Variants in RARB observed in about 807,000 individuals in gnomAD.
RARB encodes retinoic acid receptor beta, also known as HBV-activated protein.
A neutral mutation model predicts 51.9 loss-of-function variants in RARB; 17 were observed. The ratio of observed to expected loss-of-function variants is 0.33; its 90% CI spans 0.22 to 0.49. The LOEUF (loss-of-function observed/expected upper bound fraction) is 0.49, where lower values mean the gene tolerates loss of function less well. Among genes scored for constraint, RARB ranks in the 20% least tolerant of loss-of-function variants. RARB has a pLI of 0.99. For synonymous variants in RARB, 215 were observed against 195.4 expected, an observed-to-expected ratio of 1.10 and a Z score of -0.84; for missense variants, 369 against 550.8, an observed-to-expected ratio of 0.67 and a Z score of 3.30.
intron 5 of RARB, among the ~76,000 whole-genome samples, chr3:25,342,880 T>C (rs1260217633): frequency 1.3e-5 from 2 of 152,094 alleles, no homozygotes; most frequent in African/African-American, 4.8e-5. Flanking sequence ...GGTTGTAGCC[T>C]TGAAAGATTT....
intron 5 of RARB, among the ~76,000 whole-genome samples, chr3:25,404,356 C>A (rs1707348023): frequency 1.3e-5 from 2 of 152,128 alleles, no homozygotes. Context: ...GTAACTCACT[C>A]CTTGGTAGAA....
At chr3:25,438,791 C>T (rs1336953509) in intron 1 of RARB, among the ~76,000 whole-genome samples, 1 of 152,076 alleles carries the variant, frequency 6.6e-6, no homozygotes, top group Admixed American at 6.5e-5. Context: ...AAAACACCAT[C>T]GAGTGTTTTG....
chr3:25,337,607 T>C (rs1469501619), intron 5 of RARB, among the ~76,000 whole-genome samples: 1 of 152,146 alleles, frequency 6.6e-6, no homozygotes, highest in Non-Finnish European at 1.5e-5. Flanking sequence ...TTCCACCAAA[T>C]CTTTACGTGG....
intron 5 of RARB, among the ~76,000 whole-genome samples, chr3:25,244,502 G>A (rs368071303): frequency 4.6e-5 from 7 of 152,022 alleles, no homozygotes; most frequent in African/African-American, 1.4e-4. Context: ...AGAGATTCTT[G>A]TACATTGTGT....
intron 5 of RARB, among the ~76,000 whole-genome samples, chr3:25,231,077 T>C (rs1239436392): frequency 6.6e-6 from 1 of 152,150 alleles, no homozygotes; most frequent in Non-Finnish European, 1.5e-5. Context: ...TTTTATTGGC[T>C]TGGAGCTCCT....
At chr3:24,890,427 TTA>T (rs1267931084) in intron 2 of RARB, among the ~76,000 whole-genome samples, 2 of 152,216 alleles carry the variant, frequency 1.3e-5, no homozygotes, top group Non-Finnish European at 2.9e-5. Context: ...GAGTTTGGAC[TTA>T]TTTCACGAGC....
intron 2 of RARB, among the ~76,000 whole-genome samples, chr3:24,920,833 A>G (rs1479472276): frequency 6.6e-6 from 1 of 152,182 alleles, no homozygotes; most frequent in Non-Finnish European, 1.5e-5. Context: ...CTAATTGGAT[A>G]CTGCATTTAT....
chr3:24,979,900 A>G (rs1047354308), intron 2 of RARB, among the ~76,000 whole-genome samples: 4 of 152,134 alleles, frequency 2.6e-5, no homozygotes, highest in African/African-American at 7.2e-5. Context: ...ATGTTTTTGC[A>G]GTAGCTGGTA....
intron 2 of RARB, among the ~76,000 whole-genome samples, chr3:25,006,877 T>C (rs892351030): frequency 2.6e-5 from 4 of 152,168 alleles, no homozygotes; most frequent in Non-Finnish European, 4.4e-5. Context: ...TAACAACAAA[T>C]TTTTTATGTC....
At chr3:25,217,158 C>T (rs1363677743) in intron 5 of RARB, among the ~76,000 whole-genome samples, 2 of 152,100 alleles carry the variant, frequency 1.3e-5, no homozygotes, top group Non-Finnish European at 2.9e-5. Flanking sequence ...GAATTTATTT[C>T]TATACAGAGA....
rs78456013 is a variant in RARB at position 25,570,139 on chromosome 3, T to C, written c.609+221T>C. ...ATCAGTGAGTAGGCTGAGTGCCGCC[T>C]CACTGCAGTCATGCACACATGCATT... On this transcript the variant is annotated intron_variant, in intron 4 of 7. Coordinates refer to ENST00000330688, the MANE Select transcript of RARB (RefSeq NM_000965.5). 3.5e-3 allele frequency among the ~76,000 whole-genome samples: 536 copies of C among 152,358 alleles called. 4 individuals are homozygous for C. The highest frequency in any genetic ancestry group is 0.012 in the African/African-American group (516 of 41,586).
At chr3:25,572,813 G>T (rs1486978259) in intron 4 of RARB, among the ~76,000 whole-genome samples, 2 of 152,052 alleles carry the variant, frequency 1.3e-5, no homozygotes, top group Non-Finnish European at 2.9e-5. Context: ...GTCCCCCTCC[G>T]CCTCCTCCAG....
intron 2 of RARB, among the ~76,000 whole-genome samples, chr3:25,474,034 C>G (rs1356179691): frequency 6.6e-6 from 1 of 151,626 alleles, no homozygotes; most frequent in Non-Finnish European, 1.5e-5. Context: ...TGAGGTAGGT[C>G]AGCGATGGGG....
At chr3:25,002,387 G>A (rs1420182750) in intron 2 of RARB, among the ~76,000 whole-genome samples, 1 of 152,094 alleles carries the variant, frequency 6.6e-6, no homozygotes, top group Admixed American at 6.6e-5. Context: ...GCAGTACTTG[G>A]CACATGGGAA....
intron 2 of RARB, among the ~76,000 whole-genome samples, chr3:24,934,604 A>G (rs1177946213): frequency 1.3e-5 from 2 of 152,054 alleles, no homozygotes; most frequent in African/African-American, 4.8e-5. Flanking sequence ...ATAATTTCAC[A>G]CTGCTTATAC....
chr3:25,110,572 C>G (rs1338245820), intron 3 of RARB, among the ~76,000 whole-genome samples: 1 of 152,184 alleles, frequency 6.6e-6, no homozygotes, highest in Non-Finnish European at 1.5e-5. Context: ...AGTGCCAGTT[C>G]ACCTAGTAAA....
intron 5 of RARB, among the ~76,000 whole-genome samples, chr3:25,357,223 G>C (rs573710165): frequency 6.6e-6 from 1 of 152,248 alleles, no homozygotes; most frequent in South Asian, 2.1e-4. Context: ...AGCATGAGAT[G>C]GTATCTCATT....
intron 5 of RARB, among the ~76,000 whole-genome samples, chr3:25,344,071 C>T (rs1705314279): frequency 6.6e-6 from 1 of 152,158 alleles, no homozygotes; most frequent in African/African-American, 2.4e-5. Context: ...GATCAGGAGC[C>T]TGGCAATGTA....
intron 5 of RARB, among the ~76,000 whole-genome samples, chr3:25,328,034 T>C (rs1360431979): frequency 6.6e-6 from 1 of 152,208 alleles, no homozygotes; most frequent in East Asian, 1.9e-4. Context: ...TATCAAGAAT[T>C]ATAAATATTT....
Sources: allele counts gnomAD v4.1 joint callset (sites outside exome capture counted in the v4.1 genomes callset), GRCh38; gene constraint gnomAD v4.1.1; transcripts MANE v1.5; gene names NCBI Gene and HGNC (gene_info 2026-07-23, HGNC 2026-07-21).